Variants in SLC4A4 observed in about 807,000 individuals in gnomAD.
The protein encoded by SLC4A4 is electrogenic sodium bicarbonate cotransporter 1.
In SLC4A4, 27 loss-of-function variants were observed where a neutral mutation model predicts 111.5. That is an observed-to-expected ratio of 0.24 (90% CI 0.18 to 0.33). The LOEUF (loss-of-function observed/expected upper bound fraction) is 0.33, where lower values mean the gene tolerates loss of function less well. Among genes scored for constraint, SLC4A4 ranks in the 10% least tolerant of loss-of-function variants. SLC4A4 has a pLI of 1.00. For missense variants in SLC4A4, 909 were observed against 1,315.5 expected (o/e 0.69, Z 4.78); for synonymous variants, 443 against 463.4 (o/e 0.96, Z 0.57).
At chr4:71,412,005 A>G (rs1384891248) in intron 7 of SLC4A4, among the ~76,000 whole-genome samples, 1 of 152,248 alleles carries the variant, frequency 6.6e-6, no homozygotes, top group East Asian at 1.9e-4. Flanking sequence ...TGCTCTGCTA[A>G]ACAACTGTAT....
intron 6 of SLC4A4, among the ~76,000 whole-genome samples, chr4:71,383,890 TA>T (rs1718407355): frequency 6.6e-6 from 1 of 152,212 alleles, no homozygotes; most frequent in South Asian, 2.1e-4. Flanking sequence ...TCTTCTCCTC[TA>T]CTGCCCCCGC....
chr4:71,101,901 A>G (rs1408775085), intron 2 of SLC4A4, among the ~76,000 whole-genome samples: 2 of 152,038 alleles, frequency 1.3e-5, no homozygotes, highest in African/African-American at 4.8e-5. Context: ...CTCACCAGCA[A>G]TGGAACAAAG....
chr4:71,335,834 A>AG (rs1233559737), intron 3 of SLC4A4, among the ~76,000 whole-genome samples: 4 of 152,116 alleles, frequency 2.6e-5, no homozygotes, highest in Non-Finnish European at 4.4e-5. Flanking sequence ...CAAAAAAAAA[A>AG]AAAATTTCTA....
At chr4:71,178,102 G>A (rs6845836) in intron 2 of SLC4A4, among the ~76,000 whole-genome samples, 27,404 of 151,840 alleles carry the variant, frequency 0.18, 5,552 homozygotes, top group African/African-American at 0.5. Context: ...CGAAATGAAG[G>A]CAGAAATAAA....
chr4:71,418,756 A>G (rs1722049964), intron 7 of SLC4A4, among the ~76,000 whole-genome samples: 1 of 152,234 alleles, frequency 6.6e-6, no homozygotes, highest in Non-Finnish European at 1.5e-5. Flanking sequence ...CAACACTTAA[A>G]TAATATCCTT....
At chr4:71,421,180 T>G (rs202110889) in intron 7 of SLC4A4, among the ~76,000 whole-genome samples, 29,272 of 150,890 alleles carry the variant, frequency 0.19, 3,159 homozygotes, top group South Asian at 0.42. Context: ...GGTAGGGGTT[T>G]CAATCCTAGT....
intron 6 of SLC4A4, among the ~76,000 whole-genome samples, chr4:71,392,697 A>G (rs1044938224): frequency 7.9e-5 from 12 of 152,106 alleles, no homozygotes; most frequent in African/African-American, 2.9e-4. Flanking sequence ...CCAAACCAGG[A>G]AAGGACATAA....
chr4:71,456,190 A>T (rs561208008), intron 12 of SLC4A4, among the ~76,000 whole-genome samples: 46 of 152,226 alleles, frequency 3.0e-4, no homozygotes, highest in African/African-American at 1.1e-3. Flanking sequence ...GAAACTGTGG[A>T]TGGATTGTTT....
intron 7 of SLC4A4, among the ~76,000 whole-genome samples, chr4:71,404,925 AGTGGGGACTACAG>A (rs1467815095): frequency 6.6e-6 from 1 of 151,836 alleles, no homozygotes; most frequent in African/African-American, 2.4e-5. Context: ...CCTCCTGAAT[AGTGGGGACTACAG>A]GTGCACACCA....
chr4:71,451,382 A>AC, intron 11 of SLC4A4, 81 bp downstream of exon 11: 1 of 925,168 alleles, frequency 1.1e-6, no homozygotes, highest in Non-Finnish European at 1.8e-6. Context: ...CATATTATTC[A>AC]CTAGTTTGTT....
At chr4:71,110,457 T>A (rs1487166586) in intron 2 of SLC4A4, among the ~76,000 whole-genome samples, 1 of 152,114 alleles carries the variant, frequency 6.6e-6, no homozygotes, top group African/African-American at 2.4e-5. Flanking sequence ...CCACCCACCA[T>A]GGTCTCCCAA....
intron 15 of SLC4A4, 98 bp from the exon 16 acceptor site, chr4:71,497,403 G>T (rs1259328076): frequency 4.0e-6 from 4 of 1,009,228 alleles, no homozygotes; most frequent in Non-Finnish European, 6.1e-6. Flanking sequence ...CTGTTTTACA[G>T]AAACTTTTGG....
At chr4:71,111,949 G>A (rs950689743) in intron 2 of SLC4A4, among the ~76,000 whole-genome samples, 2 of 152,058 alleles carry the variant, frequency 1.3e-5, no homozygotes, top group African/African-American at 2.4e-5. Flanking sequence ...CACCCGCCTC[G>A]GCCTTCCAAA....
At chr4:71,359,207 A>G (rs1432486667) in intron 6 of SLC4A4, among the ~76,000 whole-genome samples, 1 of 152,186 alleles carries the variant, frequency 6.6e-6, no homozygotes, top group Non-Finnish European at 1.5e-5. Flanking sequence ...CTATCTGTAG[A>G]TCTCTGTACT....
chr4:71,291,950 G>A (rs1192647336), intron 3 of SLC4A4, among the ~76,000 whole-genome samples: 1 of 152,006 alleles, frequency 6.6e-6, no homozygotes, highest in Non-Finnish European at 1.5e-5. Context: ...GAGATATTTT[G>A]ATACAGGCAT....
intron 16 of SLC4A4, among the ~76,000 whole-genome samples, chr4:71,527,003 A>C (rs564270228): frequency 1.7e-4 from 26 of 152,224 alleles, no homozygotes; most frequent in African/African-American, 2.2e-4. Context: ...ATTCAGGCTA[A>C]TCTTCCTAAA....
chr4:71,266,201 G>C (rs1405249774), intron 3 of SLC4A4, among the ~76,000 whole-genome samples: 1 of 152,152 alleles, frequency 6.6e-6, no homozygotes, highest in East Asian at 1.9e-4. Context: ...GCTGGGTCTA[G>C]GGGAATTTTT....
chr4:71,234,281 C>T (rs1719646201), intron 1 of SLC4A4, among the ~76,000 whole-genome samples: 1 of 152,214 alleles, frequency 6.6e-6, no homozygotes, highest in African/African-American at 2.4e-5. Flanking sequence ...TTCTCTGATT[C>T]ACAGATATAT....
At chr4:71,091,095 G>A (rs528998258) in intron 1 of SLC4A4, among the ~76,000 whole-genome samples, 8 of 151,962 alleles carry the variant, frequency 5.3e-5, no homozygotes, top group Middle Eastern at 3.4e-3. Context: ...TTACAGTTGC[G>A]CACCACCATA....
Sources: gnomAD v4.1 joint callset for allele counts (sites outside exome capture counted in the v4.1 genomes callset) on GRCh38, gnomAD v4.1.1 for gene constraint, MANE v1.5 for transcripts, NCBI Gene and HGNC (gene_info 2026-07-23, HGNC 2026-07-21) for gene names.